FGD5: variants seen among roughly 807,000 people sequenced by gnomAD.
FGD5 encodes FYVE, RhoGEF and PH domain containing 5, also known as FYVE, RhoGEF and PH domain-containing protein 5.
A neutral mutation model predicts 133.4 loss-of-function variants in FGD5; 28 were observed. The ratio of observed to expected loss-of-function variants is 0.21; its 90% CI spans 0.16 to 0.29. The LOEUF is 0.29. Among genes scored for constraint, FGD5 ranks in the 10% least tolerant of loss-of-function variants. FGD5 has a pLI of 1.00. For synonymous variants in FGD5, 810 were observed against 776.5 expected, an observed-to-expected ratio of 1.04 and a Z score of -0.72; for missense variants, 1,858 against 1,895.2, an observed-to-expected ratio of 0.98 and a Z score of 0.36.
At chr3:14,889,756 G>A (rs2037990179) in intron 4 of FGD5, among the ~76,000 whole-genome samples, 1 of 152,132 alleles carries the variant, frequency 6.6e-6, no homozygotes, top group Non-Finnish European at 1.5e-5. Flanking sequence ...GTGTAGTGGT[G>A]TCTCCCTGTG....
intron 2 of FGD5, among the ~76,000 whole-genome samples, chr3:14,873,914 G>A (rs1339081725): frequency 6.6e-6 from 1 of 151,894 alleles, no homozygotes; most frequent in East Asian, 2.0e-4. Context: ...TAGAGATGGG[G>A]TTTCACCATA....
chr3:14,855,759 A>G (rs949553530), intron 1 of FGD5, among the ~76,000 whole-genome samples: 1 of 151,496 alleles, frequency 6.6e-6, no homozygotes, highest in Non-Finnish European at 1.5e-5. Context: ...TGAGTTTCTT[A>G]TCTATTCTGG....
chr3:14,832,341 GAA>G (rs1449836425), intron 1 of FGD5, among the ~76,000 whole-genome samples: 2 of 152,054 alleles, frequency 1.3e-5, no homozygotes, highest in Non-Finnish European at 2.9e-5. Flanking sequence ...CAATTCATCT[GAA>G]AAACCACCCT....
intron 1 of FGD5, among the ~76,000 whole-genome samples, chr3:14,846,470 C>T (rs754696386): frequency 3.3e-5 from 5 of 152,178 alleles, no homozygotes; most frequent in African/African-American, 4.8e-5. Flanking sequence ...CTCTCAGAAC[C>T]CATATTTCAA....
At chr3:14,838,521 A>G (rs1422550578) in intron 1 of FGD5, among the ~76,000 whole-genome samples, 1 of 152,200 alleles carries the variant, frequency 6.6e-6, no homozygotes, top group Non-Finnish European at 1.5e-5. Context: ...ATTCAGGTCT[A>G]TCCCAAATGC....
intron 17 of FGD5, 87 bp downstream of exon 17, chr3:14,924,225 T>C: frequency 6.3e-7 from 1 of 1,587,744 alleles, no homozygotes; most frequent in Non-Finnish European, 8.6e-7. Flanking sequence ...GACCCTGCCC[T>C]GTCCCAGCCT....
At chr3:14,833,903 T>C (rs1844659) in intron 1 of FGD5, among the ~76,000 whole-genome samples, 118,595 of 151,944 alleles carry the variant, frequency 0.78, 46,753 homozygotes, top group African/African-American at 0.88. Flanking sequence ...AAGTCCTGCC[T>C]GAGTCAAGGG....
chr3:14,825,368 GC>G (rs1485804773), intron 1 of FGD5, among the ~76,000 whole-genome samples: 1 of 152,100 alleles, frequency 6.6e-6, no homozygotes, highest in African/African-American at 2.4e-5. Flanking sequence ...GCTTTGGGAG[GC>G]CAAGGCAGGA....
chr3:14,881,149 C>T (rs547178208), intron 4 of FGD5, among the ~76,000 whole-genome samples: 161 of 152,136 alleles, frequency 1.1e-3, no homozygotes, highest in African/African-American at 3.7e-3. Flanking sequence ...TGTTTATGTT[C>T]GTATGGAGAA....
chr3:14,876,525 T>A (rs972440160), intron 2 of FGD5, among the ~76,000 whole-genome samples: 6 of 151,178 alleles, frequency 4.0e-5, no homozygotes, highest in African/African-American at 9.8e-5. Context: ...ATGCAAAAAA[T>A]AAATAAATAA....
chr3:14,905,676 G>T (rs1044764080), intron 9 of FGD5, among the ~76,000 whole-genome samples: 1 of 151,980 alleles, frequency 6.6e-6, no homozygotes, highest in Non-Finnish European at 1.5e-5. Context: ...CTTGCGGGTG[G>T]TGTTCACCTT....
At chr3:14,900,367 C>T (rs748190761) in intron 7 of FGD5, 36 bp from the exon 8 acceptor site, 3 of 1,608,896 alleles carry the variant, frequency 1.9e-6, no homozygotes, top group East Asian at 4.5e-5. Context: ...GCTGACCTCA[C>T]CAGTAGCTGA....
intron 1 of FGD5, among the ~76,000 whole-genome samples, chr3:14,832,798 G>A (rs553883075): frequency 6.6e-6 from 1 of 152,236 alleles, no homozygotes; most frequent in East Asian, 1.9e-4. Context: ...CTTAATGCAG[G>A]TGTTCAGACT....
intron 1 of FGD5, among the ~76,000 whole-genome samples, chr3:14,856,690 T>G (rs1231097767): frequency 3.9e-5 from 6 of 152,196 alleles, no homozygotes; most frequent in Non-Finnish European, 4.4e-5. Flanking sequence ...CTCAGCTAGT[T>G]TATTGTTCAT....
At chr3:14,916,693 G>A (rs144579281) in intron 11 of FGD5, among the ~76,000 whole-genome samples, 16 of 152,310 alleles carry the variant, frequency 1.1e-4, no homozygotes, top group African/African-American at 3.1e-4. Context: ...CTCTGTGCCC[G>A]TTTGGAGTTC....
intron 2 of FGD5, among the ~76,000 whole-genome samples, chr3:14,866,091 T>C (rs1343982787): frequency 6.6e-6 from 1 of 151,740 alleles, no homozygotes; most frequent in African/African-American, 2.4e-5. Context: ...TACCTCAGAG[T>C]CCCCACCCGC....
At chr3:14,818,920 G>A, upstream of FGD5, 2 of 1,431,726 alleles carry the variant, frequency 1.4e-6, no homozygotes, top group Non-Finnish European at 1.8e-6. Flanking sequence ...AAAGTTAATT[G>A]TACTTTTTCT....
intron 6 of FGD5, 81 bp downstream of exon 6, chr3:14,898,176 G>A: frequency 6.4e-7 from 1 of 1,552,234 alleles, no homozygotes; most frequent in Non-Finnish European, 8.8e-7. Flanking sequence ...AAATCAGTGG[G>A]ACATCTTGGT....
At position 14,898,588 on chromosome 3, in the gene FGD5, C is replaced by T. The variant is rs1053014222; in HGVS notation, c.3067-151C>T. On this transcript the variant is annotated intron_variant, in intron 6 of 19. Coordinates refer to ENST00000285046, the MANE Select transcript of FGD5 (RefSeq NM_152536.4). ...GCCGGGCTAATCCAGGAGGGCTTCC[C>T]GCAGGAGGAGAACCTGGTTTTGGAG... The T allele has an allele frequency of 7.8e-5, 51 of 653,640 alleles. 1 individual carries two copies. Among genetic ancestry groups the T allele is most frequent in the South Asian group, 6.4e-4 (35 of 54,930 alleles). 40.5% of individuals were successfully genotyped at this position (653,640 alleles called of 1,614,324 possible).
Sources: gnomAD v4.1 joint callset for allele counts (sites outside exome capture counted in the v4.1 genomes callset) on GRCh38, gnomAD v4.1.1 for gene constraint, MANE v1.5 for transcripts, NCBI Gene and HGNC (gene_info 2026-07-23, HGNC 2026-07-21) for gene names.